The following CTCF variants were observed in gnomAD, a reference collection of about 807,000 sequenced individuals.
CTCF encodes transcriptional repressor CTCF.
Under a neutral mutation model 72.3 loss-of-function variants are expected in CTCF, and 7 were observed. The ratio of observed to expected loss-of-function variants is 0.10; its 90% CI spans 0.06 to 0.18. The LOEUF (loss-of-function observed/expected upper bound fraction) is 0.18. CTCF is among the 10% of genes least tolerant of loss of function. The pLI, the probability that CTCF is intolerant of heterozygous loss-of-function variation, is 1.00. For synonymous variants in CTCF, 374 were observed against 315.8 expected (o/e 1.18, Z -1.95); for missense variants, 516 against 949.1 (o/e 0.54, Z 6.00).
chr16:67,610,105 A>G (rs1024939859), intron 2 of CTCF, among the ~76,000 whole-genome samples: 9 of 152,188 alleles, frequency 5.9e-5, no homozygotes, highest in African/African-American at 7.2e-5. Context: ...CTACTGATCT[A>G]CTGGTTCTCC....
chr16:67,612,907 C>T (rs1315599195), intron 4 of CTCF, among the ~76,000 whole-genome samples: 3 of 152,202 alleles, frequency 2.0e-5, no homozygotes, highest in African/African-American at 7.2e-5. Flanking sequence ...TACTGCACTC[C>T]AGCCTGGGCG....
chr16:67,600,200 T>C (rs989886824), intron 2 of CTCF, among the ~76,000 whole-genome samples: 2 of 152,118 alleles, frequency 1.3e-5, no homozygotes, highest in African/African-American at 4.8e-5. Context: ...AGTTGAGTCC[T>C]TTTTAGTAAG....
At chr16:67,578,297 G>A (rs1399185831) in intron 2 of CTCF, among the ~76,000 whole-genome samples, 2 of 142,344 alleles carry the variant, frequency 1.4e-5, no homozygotes, top group Admixed American at 7.0e-5. Flanking sequence ...AAAATTCTGC[G>A]TATATTCAAA....
intron 10 of CTCF, among the ~76,000 whole-genome samples, chr16:67,632,230 C>G (rs1159988841): frequency 6.6e-6 from 1 of 152,196 alleles, no homozygotes; most frequent in Admixed American, 6.5e-5. Flanking sequence ...CTGCCAGACT[C>G]TGTCCTATGT....
chr16:67,569,119 G>A (rs1473936180), intron 1 of CTCF, among the ~76,000 whole-genome samples: 1 of 152,116 alleles, frequency 6.6e-6, no homozygotes, highest in African/African-American at 2.4e-5. Context: ...GATTACAGGC[G>A]TGAACCACTG....
chr16:67,597,069 T>C (rs1197412845), intron 2 of CTCF, among the ~76,000 whole-genome samples: 3 of 152,162 alleles, frequency 2.0e-5, no homozygotes, highest in Non-Finnish European at 4.4e-5. Context: ...GGTCTCACTC[T>C]GCCGCCCAGG....
intron 2 of CTCF, among the ~76,000 whole-genome samples, chr16:67,602,139 C>G (rs900143529): frequency 6.6e-6 from 1 of 152,132 alleles, no homozygotes; most frequent in Non-Finnish European, 1.5e-5. Context: ...GCTGGGATTA[C>G]AGGCGTGAGC....
chr16:67,589,282 CAG>C (rs771259661), intron 2 of CTCF, among the ~76,000 whole-genome samples: 7 of 152,040 alleles, frequency 4.6e-5, no homozygotes, highest in Non-Finnish European at 7.4e-5. Context: ...GTCTGGGAGA[CAG>C]AGCAAGACCG....
chr16:67,584,546 T>C (rs2051641093), intron 2 of CTCF, among the ~76,000 whole-genome samples: 1 of 151,768 alleles, frequency 6.6e-6, no homozygotes, highest in African/African-American at 2.4e-5. Flanking sequence ...CAGGCTGGTC[T>C]TGAACTCCTG....
At chr16:67,576,152 A>AAC (rs1555530995) in intron 2 of CTCF, among the ~76,000 whole-genome samples, 8 of 151,324 alleles carry the variant, frequency 5.3e-5, no homozygotes, top group Admixed American at 6.6e-5. Context: ...AAAAAAAAAA[A>AAC]AAAAAAAAAA....
chr16:67,620,565 A>C (rs1478107869), intron 5 of CTCF, 132 bp from the exon 6 acceptor site: 2 of 645,934 alleles, frequency 3.1e-6, no homozygotes, highest in African/African-American at 3.6e-5. Flanking sequence ...TGAAGAGGGA[A>C]GAAGGTTATC....
chr16:67,610,817 A>G lies in CTCF; in HGVS notation c.-9-7A>G. The G allele has an allele frequency of 6.9e-7, 1 of 1,454,380 alleles. No individual in the cohort carries two copies. The highest frequency in any genetic ancestry group is 9.1e-7 in the Non-Finnish European group (1 of 1,098,624). 90.1% of individuals were successfully genotyped at this position (1,454,380 alleles called of 1,614,324 possible). On this transcript the variant is annotated splice_region_variant and splice_polypyrimidine_tract_variant and intron_variant, in intron 2 of 11. Transcript: ENST00000264010. ...TAAATAACAATCTGTGTTCTCCCTTAATAAAGGCAGGGGAAATGGAAGGTG... is the reference window on the plus strand; with the variant it reads ...TAAATAACAATCTGTGTTCTCCCTTGATAAAGGCAGGGGAAATGGAAGGTG...
intron 1 of CTCF, chr16:67,567,992 C>T (rs1231181508): frequency 6.7e-6 from 1 of 150,372 alleles, no homozygotes; most frequent in Admixed American, 6.7e-5. Flanking sequence ...TGTCCCCCAC[C>T]TGCCCCAAGC....
At chr16:67,625,806 G>GC (rs1396704728) in intron 7 of CTCF, among the ~76,000 whole-genome samples, 7 of 110,258 alleles carry the variant, frequency 6.3e-5, no homozygotes, top group African/African-American at 1.4e-4. Flanking sequence ...TGTCCCCTAT[G>GC]CCCCCCCACC....
Position 67,637,759 on chromosome 16 carries a change from G to A in CTCF, c.2071G>A (p.Glu691Lys). The A allele has an allele frequency of 6.2e-7, 1 of 1,613,688 alleles. No homozygotes were observed. Among genetic ancestry groups the A allele is most frequent in the South Asian group, 1.1e-5 (1 of 91,062 alleles). ...GAACATTATAGTTGAAGTAAAAAAA[G>A]AGCCAGATGCTGAGCCCGCAGAGGG... ...IENIIVEVKK[E>K]PDAEPAEGEE... is the part of the protein sequence containing the mutation. The change falls in exon 12 of 12, where the codon GAG (glutamate) becomes AAG (lysine). Residue 691 changes from glutamate (E) to lysine (K), a missense_variant. Physicochemically the swap from Glu to Lys is moderately conservative, Grantham distance 56 (BLOSUM62 1). Around this residue, in one of 7 missense-constraint regions of CTCF, gnomAD observed 157 missense variants for 172.9 expected, o/e 0.91. Coordinates refer to ENST00000264010, the MANE Select transcript of CTCF (RefSeq NM_006565.4).
intron 2 of CTCF, among the ~76,000 whole-genome samples, chr16:67,589,262 G>A (rs931784857): frequency 2.6e-5 from 4 of 151,990 alleles, no homozygotes; most frequent in Non-Finnish European, 2.9e-5. Flanking sequence ...ACACTACTGC[G>A]CTCACTCCAG....
intron 2 of CTCF, among the ~76,000 whole-genome samples, chr16:67,583,686 C>CAA (rs747603061): frequency 1.5e-4 from 19 of 123,968 alleles, no homozygotes; most frequent in African/African-American, 2.4e-4. Flanking sequence ...GTTTTGGTCT[C>CAA]AAAAAAAAAA....
intron 7 of CTCF, among the ~76,000 whole-genome samples, chr16:67,626,050 C>T (rs926916030): frequency 1.3e-5 from 2 of 152,060 alleles, no homozygotes; most frequent in African/African-American, 4.8e-5. Flanking sequence ...TCTTCTCCCA[C>T]CTATCCTGTT....
chr16:67,628,585 A>G, intron 9 of CTCF, 33 bp downstream of exon 9: 2 of 1,601,356 alleles, frequency 1.2e-6, no homozygotes, highest in Non-Finnish European at 1.7e-6. Flanking sequence ...GCCTGTTATG[A>G]TACTGAATAT....
Sources: gnomAD v4.1 joint callset for allele counts (sites outside exome capture counted in the v4.1 genomes callset) on GRCh38, gnomAD v4.1.1 for gene constraint, gnomAD v4.1.1 regional missense constraint, MANE v1.5 for transcripts, NCBI Gene and HGNC (gene_info 2026-07-23, HGNC 2026-07-21) for gene names.